PPP3CA: variants seen among roughly 807,000 people sequenced by gnomAD.
PPP3CA encodes the protein protein phosphatase 3 catalytic subunit alpha.
Under a neutral mutation model 66.5 loss-of-function variants are expected in PPP3CA, and 14 were observed. The ratio of observed to expected loss-of-function variants is 0.21; its 90% CI spans 0.14 to 0.33. PPP3CA has a LOEUF of 0.33. Ranked by LOEUF, PPP3CA falls within the 10% of genes least tolerant of loss-of-function variation. The pLI, the probability that PPP3CA is intolerant of heterozygous loss-of-function variation, is 1.00. For missense variants in PPP3CA, 317 were observed against 639.5 expected (o/e 0.50, Z 5.44); for synonymous variants, 232 against 226.2 (o/e 1.03, Z -0.23).
chr4:101,074,808 T>C (rs534065568), intron 8 of PPP3CA, among the ~76,000 whole-genome samples: 1 of 152,342 alleles, frequency 6.6e-6, no homozygotes, highest in East Asian at 1.9e-4. Context: ...TTTTTCCCTA[T>C]CAAAAAGGAT....
intron 1 of PPP3CA, among the ~76,000 whole-genome samples, chr4:101,218,876 T>C (rs2110211809): frequency 6.6e-6 from 1 of 152,010 alleles, no homozygotes; most frequent in Non-Finnish European, 1.5e-5. Flanking sequence ...AAGTGAAAAA[T>C]ACAAGAATAT....
At chr4:101,099,577 T>C (rs776819047) in intron 4 of PPP3CA, 34 bp downstream of exon 4, 7 of 1,273,252 alleles carry the variant, frequency 5.5e-6, no homozygotes, top group East Asian at 4.9e-5. Flanking sequence ...TTAGCACATA[T>C]AGTGTTAAAG....
intron 6 of PPP3CA, among the ~76,000 whole-genome samples, chr4:101,084,750 T>C (rs903486002): frequency 1.3e-5 from 2 of 152,212 alleles, no homozygotes; most frequent in South Asian, 2.1e-4. Context: ...TCTCTGTTCA[T>C]GTGCCCATGT....
intron 6 of PPP3CA, among the ~76,000 whole-genome samples, chr4:101,090,218 C>T (rs1729852251): frequency 6.6e-6 from 1 of 152,170 alleles, no homozygotes. Flanking sequence ...ACATTTTTCT[C>T]CTCCTTAGAT....
chr4:101,093,627 A>T, intron 6 of PPP3CA, 149 bp downstream of exon 6: 1 of 780,452 alleles, frequency 1.3e-6, no homozygotes. Flanking sequence ...TTATTCATTT[A>T]TTTATATTTT....
At chr4:101,140,115 T>C (rs1402940787) in intron 2 of PPP3CA, among the ~76,000 whole-genome samples, 1 of 152,212 alleles carries the variant, frequency 6.6e-6, no homozygotes, top group South Asian at 2.1e-4. Flanking sequence ...AAACTATTAA[T>C]GAATAATTTA....
Position 101,083,269 on chromosome 4 carries a change from AG to A in PPP3CA, c.783-7del, listed in dbSNP as rs746185638. The A allele has an allele frequency of 2.2e-5, 35 of 1,606,164 alleles. No homozygotes were observed. Among genetic ancestry groups the A allele is most frequent in the Non-Finnish European group, 2.9e-5 (34 of 1,174,812 alleles). On this transcript the variant is annotated splice_polypyrimidine_tract_variant and splice_region_variant and intron_variant, in intron 6 of 13. Coordinates refer to ENST00000394854, the MANE Select transcript of PPP3CA (RefSeq NM_000944.5). Reference sequence around the variant, plus strand: ...ATTCACATACAGCCGGGTAACTGCCAGAGACAAAAAGAAAAGGGAAGCATCT... The same window carrying A: ...ATTCACATACAGCCGGGTAACTGCCAAGACAAAAAGAAAAGGGAAGCATCT...
intron 8 of PPP3CA, among the ~76,000 whole-genome samples, chr4:101,073,516 C>T (rs1288995990): frequency 6.6e-6 from 1 of 152,040 alleles, no homozygotes; most frequent in Non-Finnish European, 1.5e-5. Flanking sequence ...ACCTCATGAT[C>T]TGCCCGCCTC....
At chr4:101,239,496 A>T (rs566863731) in intron 1 of PPP3CA, among the ~76,000 whole-genome samples, 5 of 152,214 alleles carry the variant, frequency 3.3e-5, no homozygotes, top group African/African-American at 1.2e-4. Flanking sequence ...ATAGGACAAG[A>T]CCTAAGGACA....
intron 2 of PPP3CA, among the ~76,000 whole-genome samples, chr4:101,121,881 G>A (rs1722043011): frequency 6.6e-6 from 1 of 151,976 alleles, no homozygotes; most frequent in African/African-American, 2.4e-5. Flanking sequence ...TCCTGATCTG[G>A]CCTTTTATCA....
intron 2 of PPP3CA, 107 bp downstream of exon 2, chr4:101,195,809 T>C (rs1724770837): frequency 1.1e-6 from 1 of 873,276 alleles, no homozygotes; most frequent in Non-Finnish European, 1.8e-6. Context: ...TAAAAGATTA[T>C]GATGGGTAAG....
intron 1 of PPP3CA, among the ~76,000 whole-genome samples, chr4:101,220,431 CTAAAA>C (rs1236018038): frequency 6.6e-6 from 1 of 151,414 alleles, no homozygotes; most frequent in Non-Finnish European, 1.5e-5. Flanking sequence ...TATAATCAAA[CTAAAA>C]TGTCTCTCAA....
At chr4:101,101,171 T>C (rs916631540) in intron 3 of PPP3CA, among the ~76,000 whole-genome samples, 1 of 152,182 alleles carries the variant, frequency 6.6e-6, no homozygotes, top group African/African-American at 2.4e-5. Flanking sequence ...GATATTAATA[T>C]GTCTGAAAAG....
intron 5 of PPP3CA, 138 bp downstream of exon 5, chr4:101,098,229 C>A: frequency 1.1e-6 from 1 of 931,014 alleles, no homozygotes; most frequent in Non-Finnish European, 1.5e-6. Context: ...AAATTTAACA[C>A]AAAGGAGCGA....
At chr4:101,226,020 T>TAATGC (rs1019453436) in intron 1 of PPP3CA, among the ~76,000 whole-genome samples, 1 of 151,778 alleles carries the variant, frequency 6.6e-6, no homozygotes, top group Non-Finnish European at 1.5e-5. Context: ...GTCATGATAG[T>TAATGC]AATGCTGACA....
chr4:101,308,239 G>C (rs1372779217), intron 1 of PPP3CA, among the ~76,000 whole-genome samples: 1 of 152,048 alleles, frequency 6.6e-6, no homozygotes, highest in African/African-American at 2.4e-5. Flanking sequence ...AAATCTTCAT[G>C]TTATACAATG....
chr4:101,243,637 A>G (rs150864089), intron 1 of PPP3CA, among the ~76,000 whole-genome samples: 4 of 152,326 alleles, frequency 2.6e-5, no homozygotes, highest in African/African-American at 9.6e-5. Flanking sequence ...TCCACAGGTT[A>G]CATGCAAATA....
chr4:101,247,947 C>T (rs1726542762), intron 1 of PPP3CA, among the ~76,000 whole-genome samples: 1 of 152,132 alleles, frequency 6.6e-6, no homozygotes, highest in Admixed American at 6.5e-5. Flanking sequence ...TATACACACA[C>T]ACACATATAT....
intron 2 of PPP3CA, among the ~76,000 whole-genome samples, chr4:101,127,657 G>A (rs918547257): frequency 4.6e-5 from 7 of 151,180 alleles, no homozygotes; most frequent in Admixed American, 1.3e-4. Flanking sequence ...TAAGTGACTC[G>A]GTTGGTAGCA....
Sources: allele counts gnomAD v4.1 joint callset (sites outside exome capture counted in the v4.1 genomes callset), GRCh38; gene constraint gnomAD v4.1.1; transcripts MANE v1.5; gene names NCBI Gene and HGNC (gene_info 2026-07-23, HGNC 2026-07-21).